UPF2: variants seen among roughly 807,000 people sequenced by gnomAD.
The protein encoded by UPF2 is regulator of nonsense transcripts 2.
In UPF2, 17 loss-of-function variants were observed where a neutral mutation model predicts 141.4. That is an observed-to-expected ratio of 0.12 (90% confidence interval 0.08 to 0.18). UPF2 has a LOEUF of 0.18. Ranked by LOEUF, UPF2 falls within the 10% of genes least tolerant of loss-of-function variation. The pLI, the probability that UPF2 is intolerant of heterozygous loss-of-function variation, is 1.00. For missense variants in UPF2, 1,152 were observed against 1,515.9 expected, an observed-to-expected ratio of 0.76 and a Z score of 3.99; for synonymous variants, 540 against 498.0, an observed-to-expected ratio of 1.08 and a Z score of -1.12.
chr10:11,961,122 A>C (rs1833234355), intron 11 of UPF2, among the ~76,000 whole-genome samples: 1 of 151,664 alleles, frequency 6.6e-6, no homozygotes, highest in Non-Finnish European at 1.5e-5. Context: ...CTTGGTACTT[A>C]TTAGTGTTAT....
chr10:12,007,840 A>G (rs1022761656), intron 4 of UPF2, among the ~76,000 whole-genome samples: 456 of 108,212 alleles, frequency 4.2e-3, no homozygotes, highest in African/African-American at 0.015. Context: ...CAAAGTAATA[A>G]TAATAATAAT....
chr10:11,949,086 A>C (rs1833041777), intron 15 of UPF2, among the ~76,000 whole-genome samples: 1 of 152,174 alleles, frequency 6.6e-6, no homozygotes, highest in Non-Finnish European at 1.5e-5. Context: ...CCTAAGCCTA[A>C]TGGAACTCCC....
At chr10:12,001,623 GCT>G (rs1833954171) in intron 6 of UPF2, 51 bp downstream of exon 6, 1 of 1,499,544 alleles carries the variant, frequency 6.7e-7, no homozygotes, top group African/African-American at 1.4e-5. Flanking sequence ...TTAGGCAAGA[GCT>G]CTGTGTGTAA....
chr10:12,017,692 A>C (rs1253769319), intron 3 of UPF2, among the ~76,000 whole-genome samples: 2 of 152,152 alleles, frequency 1.3e-5, no homozygotes, highest in African/African-American at 4.8e-5. Context: ...AAAAGTTTAG[A>C]TTTGGGGTTT....
In UPF2 at chr10:11,935,686, C is replaced by T. The variant is rs902647237; in HGVS notation, c.3546+859G>A. Among the ~76,000 whole-genome samples, 1 of 152,182 alleles carries T rather than the reference C, an allele frequency of 6.6e-6. No homozygotes were observed. Among genetic ancestry groups the T allele is most frequent in the East Asian group, 1.9e-4 (1 of 5,196 alleles). On this transcript the variant is annotated intron_variant, in intron 19 of 21. Transcript: ENST00000357604. The surrounding 1 kb of genome is among the most constrained non-coding windows in gnomAD (Gnocchi z 4.9). ...ACTATCTGCAAATATGTGCGTTTGTCTCTCTGCTCTCTCAGTAGGAGATAA... is the reference window on the plus strand; with the variant it reads ...ACTATCTGCAAATATGTGCGTTTGTTTCTCTGCTCTCTCAGTAGGAGATAA...
intron 20 of UPF2, among the ~76,000 whole-genome samples, chr10:11,930,422 GAA>G (rs1203386860): frequency 6.6e-6 from 1 of 152,176 alleles, no homozygotes; most frequent in Non-Finnish European, 1.5e-5. Context: ...TATATGCTTT[GAA>G]AAAGTACATA....
chr10:11,996,070 A>G (rs997530463), intron 8 of UPF2, among the ~76,000 whole-genome samples: 3 of 152,246 alleles, frequency 2.0e-5, no homozygotes, highest in Middle Eastern at 3.4e-3. Flanking sequence ...CTTCCTCTCC[A>G]AAGTGTAAGC....
At chr10:11,971,754 G>A in intron 9 of UPF2, among the ~76,000 whole-genome samples, 1 of 152,040 alleles carries the variant, frequency 6.6e-6, no homozygotes, top group Non-Finnish European at 1.5e-5. Flanking sequence ...GAATAACAAA[G>A]TTTGTATATA....
chr10:12,029,692 T>C (rs1834481725), intron 2 of UPF2, among the ~76,000 whole-genome samples, 168 bp from the exon 3 acceptor site: 1 of 152,198 alleles, frequency 6.6e-6, no homozygotes. Flanking sequence ...CCAGGCATGG[T>C]GGCTCATGCC....
At chr10:11,987,879 G>A (rs933009520) in intron 8 of UPF2, among the ~76,000 whole-genome samples, 2 of 149,690 alleles carry the variant, frequency 1.3e-5, no homozygotes, top group Non-Finnish European at 2.9e-5. Flanking sequence ...TTAAAACACT[G>A]CTTCAGATCA....
At chr10:11,965,741 G>C (rs534441844) in intron 10 of UPF2, among the ~76,000 whole-genome samples, 26 of 152,066 alleles carry the variant, frequency 1.7e-4, no homozygotes, top group Non-Finnish European at 3.5e-4. Context: ...TTACAGGCGT[G>C]AGCCACCACG....
Position 11,956,913 on chromosome 10 carries a change from A to G in UPF2, c.2371-390T>C, listed in dbSNP as rs542279006. Among the ~76,000 whole-genome samples, 2 of 152,116 alleles carry G rather than the reference A, an allele frequency of 1.3e-5. No homozygotes were observed. The highest frequency in any genetic ancestry group is 3.9e-4 in the East Asian group (2 of 5,156). On this transcript the variant is annotated intron_variant, in intron 12 of 21. Coordinates refer to ENST00000357604, the MANE Select transcript of UPF2 (RefSeq NM_015542.4). This position sits in a 1 kb window ranked among gnomAD's most constrained non-coding sequence, Gnocchi z 4.2. ...TTGACTCACTGCAACCTCCTCCTCC[A>G]TGGCTCAAGCAATCCTCCCACCTCA...
intron 4 of UPF2, among the ~76,000 whole-genome samples, chr10:12,005,671 T>A (rs925318277): frequency 5.9e-5 from 9 of 152,116 alleles, no homozygotes; most frequent in African/African-American, 2.2e-4. Flanking sequence ...CAGCTTCAAG[T>A]AATTCTCCTG....
intron 5 of UPF2, among the ~76,000 whole-genome samples, chr10:12,003,504 T>C (rs1833985588): frequency 6.6e-6 from 1 of 151,732 alleles, no homozygotes; most frequent in African/African-American, 2.4e-5. Flanking sequence ...GGTAATAGAG[T>C]TGTAATGGCA....
At chr10:11,990,655 G>A (rs1833763407) in intron 8 of UPF2, among the ~76,000 whole-genome samples, 1 of 137,576 alleles carries the variant, frequency 7.3e-6, no homozygotes, top group Non-Finnish European at 1.6e-5. Context: ...ACTCCAGCCT[G>A]GGTGAAGAGC....
chr10:11,970,993 A>C (rs1488679118), intron 9 of UPF2, among the ~76,000 whole-genome samples: 1 of 152,018 alleles, frequency 6.6e-6, no homozygotes, highest in Non-Finnish European at 1.5e-5. Flanking sequence ...TAAGCATTCT[A>C]GTTTTCAAAA....
intron 4 of UPF2, among the ~76,000 whole-genome samples, chr10:12,005,456 G>A (rs180801470): frequency 6.6e-6 from 1 of 152,330 alleles, no homozygotes; most frequent in Non-Finnish European, 1.5e-5. Context: ...TTAATGCACA[G>A]TTACAACAAC....
In UPF2 at chr10:11,992,889, T is replaced by C. The variant is rs930400102; in HGVS notation, c.1844+4783A>G. On this transcript the variant is annotated intron_variant, in intron 8 of 21. Transcript: ENST00000357604. This position sits in a 1 kb window ranked among gnomAD's most constrained non-coding sequence, Gnocchi z 4.1. ...GCAGTCAGGCGCAGGTGGCTCACACTTGTAATCCCAGCACTTTGGGAGGCC... is the reference window on the plus strand; with the variant it reads ...GCAGTCAGGCGCAGGTGGCTCACACCTGTAATCCCAGCACTTTGGGAGGCC... 6.6e-6 allele frequency among the ~76,000 whole-genome samples: 1 copy of C among 152,106 alleles called. No homozygotes were observed. The highest frequency in any genetic ancestry group is 1.5e-5 in the Non-Finnish European group (1 of 68,002).
chr10:12,034,229 T>A (rs970844158), intron 2 of UPF2, among the ~76,000 whole-genome samples: 31 of 152,334 alleles, frequency 2.0e-4, no homozygotes, highest in Non-Finnish European at 4.3e-4. Context: ...GCCTGATAGA[T>A]AAGAACTCAA....
Sources: allele counts gnomAD v4.1 joint callset (sites outside exome capture counted in the v4.1 genomes callset), GRCh38; gene constraint gnomAD v4.1.1; non-coding constraint Gnocchi (gnomAD v3.1); transcripts MANE v1.5; gene names NCBI Gene and HGNC (gene_info 2026-07-23, HGNC 2026-07-21).